The following SYT1 variants were observed in gnomAD, a reference collection of about 807,000 sequenced individuals.
SYT1 encodes synaptotagmin-1.
In SYT1, 8 loss-of-function variants were observed where a neutral mutation model predicts 44.8. The observed-to-expected ratio is 0.18, with a 90% CI of 0.10 to 0.32. The LOEUF is 0.32. SYT1 is among the 10% of genes least tolerant of loss of function. The pLI is 1.00. For synonymous variants in SYT1, 154 were observed against 188.8 expected (o/e 0.82, Z 1.51); for missense variants, 286 against 509.3 (o/e 0.56, Z 4.22).
At chr12:78,956,686 C>A (rs1433913996) in intron 1 of SYT1, among the ~76,000 whole-genome samples, 2 of 151,610 alleles carry the variant, frequency 1.3e-5, no homozygotes, top group Non-Finnish European at 2.9e-5. Flanking sequence ...AGATTTGACT[C>A]CGTATATATA....
chr12:79,023,779 A>ATC (rs745664885), intron 2 of SYT1, among the ~76,000 whole-genome samples: 61 of 150,492 alleles, frequency 4.1e-4, no homozygotes, highest in Middle Eastern at 3.4e-3. Context: ...TTATTATTCC[A>ATC]TCTCTCTCTC....
At chr12:79,217,746 G>T in intron 4 of SYT1, 61 bp downstream of exon 4, 1 of 1,447,258 alleles carries the variant, frequency 6.9e-7, no homozygotes, top group Non-Finnish European at 9.3e-7. Flanking sequence ...CCCATCCATT[G>T]GAAAGAAAGT....
intron 9 of SYT1, among the ~76,000 whole-genome samples, chr12:79,359,275 G>GCCT (rs1199455002): frequency 6.6e-6 from 1 of 152,178 alleles, no homozygotes. Context: ...TATTCCAGCA[G>GCCT]CCTCCTGAAC....
chr12:78,952,879 T>G (rs1879036748), intron 1 of SYT1, among the ~76,000 whole-genome samples: 1 of 152,158 alleles, frequency 6.6e-6, no homozygotes, highest in Non-Finnish European at 1.5e-5. Context: ...ATTTTTGTTT[T>G]GTTTTGTTTT....
In SYT1 at chr12:78,914,172, A is replaced by G. The variant is rs189862068; in HGVS notation, c.-217+49063A>G. Among the ~76,000 whole-genome samples the G allele has an allele frequency of 2.4e-4, 37 of 152,020 alleles. 1 individual carries two copies. Among genetic ancestry groups the G allele is most frequent in the African/African-American group, 8.7e-4 (36 of 41,520 alleles). On this transcript the variant is annotated intron_variant, in intron 1 of 10. Coordinates refer to ENST00000261205, the MANE Select transcript of SYT1 (RefSeq NM_005639.3). Reference sequence around the variant, plus strand: ...CAAAATTCTGAGGATATACATATATATATATAAAAGTAAATTTTCAAAGGG... The same window carrying G: ...CAAAATTCTGAGGATATACATATATGTATATAAAAGTAAATTTTCAAAGGG...
intron 3 of SYT1, among the ~76,000 whole-genome samples, chr12:79,200,250 A>G (rs1873701846): frequency 6.6e-6 from 1 of 152,168 alleles, no homozygotes; most frequent in South Asian, 2.1e-4. Flanking sequence ...GCAACCCAGA[A>G]GTGCTTGGAA....
intron 9 of SYT1, among the ~76,000 whole-genome samples, chr12:79,385,917 A>T (rs1884417802): frequency 6.6e-6 from 1 of 152,232 alleles, no homozygotes; most frequent in Non-Finnish European, 1.5e-5. Context: ...GACTAAGTTA[A>T]AAAGCTAGAA....
In SYT1 at chr12:79,218,835, A is replaced by G. The variant is rs188075141; in HGVS notation, c.166+1150A>G. Among the ~76,000 whole-genome samples, 610 of 152,264 alleles carry G rather than the reference A, an allele frequency of 4.0e-3. 4 individuals are homozygous for G. The highest frequency in any genetic ancestry group is 0.014 in the Middle Eastern group (4 of 294). The stretch of plus-strand genomic sequence containing the variant: ...TTCTGCAACAAACATGGGAGTGCAG[A>G]TATCTGTTTGTCATATTGATTTCAT... On this transcript the variant is annotated intron_variant, in intron 4 of 10. Transcript: ENST00000261205.
chr12:79,149,428 A>G (rs890975956), intron 3 of SYT1, among the ~76,000 whole-genome samples: 3 of 152,206 alleles, frequency 2.0e-5, no homozygotes, highest in South Asian at 2.1e-4. Context: ...TGCAAGTTCT[A>G]TAACTAAAAT....
chr12:79,210,935 T>G (rs980975692), intron 3 of SYT1, among the ~76,000 whole-genome samples: 75 of 138,276 alleles, frequency 5.4e-4, no homozygotes, highest in Non-Finnish European at 9.7e-4. Flanking sequence ...ATTTTAAAGT[T>G]TTTTTTTTTT....
intron 8 of SYT1, among the ~76,000 whole-genome samples, chr12:79,344,337 G>T (rs149358795): frequency 2.6e-3 from 403 of 152,272 alleles, no homozygotes; most frequent in African/African-American, 8.8e-3. Flanking sequence ...CTAGAACAGT[G>T]CCTGGCACAG....
At chr12:78,934,406 G>A (rs1314257205) in intron 1 of SYT1, among the ~76,000 whole-genome samples, 1 of 152,068 alleles carries the variant, frequency 6.6e-6, no homozygotes, top group East Asian at 1.9e-4. Context: ...GTGTGGTGGT[G>A]CACATCTGTA....
At chr12:79,058,321 G>A (rs973278346) in intron 3 of SYT1, among the ~76,000 whole-genome samples, 6 of 152,072 alleles carry the variant, frequency 3.9e-5, no homozygotes, top group Admixed American at 2.6e-4. Flanking sequence ...GACTGTGTGA[G>A]TGAGAGGGAC....
chr12:79,362,190 C>A (rs903974155), intron 9 of SYT1, among the ~76,000 whole-genome samples: 2 of 152,054 alleles, frequency 1.3e-5, no homozygotes, highest in Non-Finnish European at 1.5e-5. Context: ...ATAAGATAAA[C>A]GTTTCCAGCC....
At chr12:78,916,056 T>C (rs1231124943) in intron 1 of SYT1, among the ~76,000 whole-genome samples, 5 of 152,036 alleles carry the variant, frequency 3.3e-5, no homozygotes, top group Admixed American at 3.3e-4. Context: ...CTTATTTTAA[T>C]TAAATGGTAG....
intron 3 of SYT1, among the ~76,000 whole-genome samples, chr12:79,108,603 A>G (rs960651772): frequency 6.6e-6 from 1 of 152,200 alleles, no homozygotes; most frequent in Non-Finnish European, 1.5e-5. Context: ...TTGCTGAATC[A>G]TAATGCATTT....
chr12:79,059,048 G>A (rs1875176235), intron 3 of SYT1, among the ~76,000 whole-genome samples: 1 of 152,030 alleles, frequency 6.6e-6, no homozygotes, highest in Admixed American at 6.6e-5. Context: ...CATAGCTGGG[G>A]AGGCCTCACA....
rs143174474 is a variant in SYT1, at chr12:79,136,105, G to A, written c.-17-81398G>A. On this transcript the variant is annotated intron_variant, in intron 3 of 10. Coordinates refer to ENST00000261205, the MANE Select transcript of SYT1 (RefSeq NM_005639.3). ...AAAGATGTCTATGTTAGAATAAATC[G>A]TGGATTTTTAGATTTAACATTTAGA... is the stretch of plus-strand genomic sequence containing the variant. Among the ~76,000 whole-genome samples the A allele has an allele frequency of 6.4e-3, 970 of 152,192 alleles. 13 individuals carry two copies. The highest frequency in any genetic ancestry group is 0.021 in the African/African-American group (888 of 41,516).
Position 78,935,353 on chromosome 12 carries a change from G to A in SYT1, c.-216-42446G>A, listed in dbSNP as rs572002659. On this transcript the variant is annotated intron_variant, in intron 1 of 10. Coordinates refer to ENST00000261205, the MANE Select transcript of SYT1 (RefSeq NM_005639.3). Reference sequence around the variant, plus strand: ...AATTAATAAATTTTGAGCTCCTGCTGTGAATCAGGCAGTATGCTAGGCCCT... The same window carrying A: ...AATTAATAAATTTTGAGCTCCTGCTATGAATCAGGCAGTATGCTAGGCCCT... Among the ~76,000 whole-genome samples the A allele has an allele frequency of 5.9e-5, 9 of 152,336 alleles. 1 individual carries two copies. The highest frequency in any genetic ancestry group is 1.9e-4 in the African/African-American group (8 of 41,572).
Sources: gnomAD v4.1 joint callset for allele counts (sites outside exome capture counted in the v4.1 genomes callset) on GRCh38, gnomAD v4.1.1 for gene constraint, MANE v1.5 for transcripts, NCBI Gene and HGNC (gene_info 2026-07-23, HGNC 2026-07-21) for gene names.